Variants in CMTM4 observed in about 807,000 individuals in gnomAD.
CMTM4 encodes the protein CKLF-like MARVEL transmembrane domain-containing protein 4.
CMTM4 carries 8 observed loss-of-function variants against 19.0 expected under a neutral mutation model. The ratio of observed to expected loss-of-function variants is 0.42; its 90% CI spans 0.25 to 0.76. CMTM4 has a LOEUF of 0.76. CMTM4 is among the 30% of genes least tolerant of loss of function. The pLI is 0.27. For synonymous variants in CMTM4, 106 were observed against 121.1 expected (o/e 0.88, Z 0.82); for missense variants, 228 against 290.2 (o/e 0.79, Z 1.56).
chr16:66,624,674 C>T (rs769216583), intron 2 of CMTM4, among the ~76,000 whole-genome samples: 2 of 152,236 alleles, frequency 1.3e-5, no homozygotes, highest in South Asian at 2.1e-4. Context: ...AGCTGAAGTA[C>T]GAGAATCACT....
downstream of CMTM4, among the ~76,000 whole-genome samples, chr16:66,614,596 T>TGGCAAAGC (rs1418134723): frequency 1.3e-5 from 2 of 152,154 alleles, no homozygotes; most frequent in Admixed American, 1.3e-4. This position sits in a 1 kb window ranked among gnomAD's most constrained non-coding sequence, Gnocchi z 4.9. Context: ...TTGTAAGCCC[T>TGGCAAAGC]GGCAAAGCGG....
chr16:66,605,048 C>T, the CMTM4 span: 1 of 1,165,534 alleles, frequency 8.6e-7, no homozygotes, highest in Non-Finnish European at 1.1e-6. This position sits in a 1 kb window ranked among gnomAD's most constrained non-coding sequence, Gnocchi z 4.6. Context: ...GGGCGGCCGC[C>T]GTGCTCCGAT....
At chr16:66,673,641 A>G (rs2016753325) in intron 1 of CMTM4, among the ~76,000 whole-genome samples, 2 of 152,198 alleles carry the variant, frequency 1.3e-5, no homozygotes, top group South Asian at 4.1e-4. Context: ...GGCATTCCTT[A>G]AAGCAAGAGA....
Position 66,622,300 on chromosome 16 carries a change from T to C in CMTM4, c.463-78A>G. 1 of 1,495,476 alleles carries C rather than the reference T, an allele frequency of 6.7e-7. No individual in the cohort carries two copies. The highest frequency in any genetic ancestry group is 9.1e-7 in the Non-Finnish European group (1 of 1,097,224). The allele number at this position is 1,495,476 out of a possible 1,614,324, so 92.6% of individuals were successfully genotyped here. A position where few individuals can be genotyped will look rare whatever the true frequency, so the allele number is the denominator to read the frequency against. On this transcript the variant is annotated intron_variant, in intron 3 of 3. Coordinates refer to ENST00000394106, the MANE Select transcript of CMTM4 (RefSeq NM_181521.3). The surrounding 1 kb of genome is among the most constrained non-coding windows in gnomAD (Gnocchi z 4.0). Reference sequence around the variant, plus strand: ...GGCTTCTGTGGTGACCCAAGCCACATGCAGCCCCTTCCTGCTCTGCCAGCT... The same window carrying C: ...GGCTTCTGTGGTGACCCAAGCCACACGCAGCCCCTTCCTGCTCTGCCAGCT...
chr16:66,676,818 G>T (rs2016818131), intron 1 of CMTM4, among the ~76,000 whole-genome samples: 1 of 152,228 alleles, frequency 6.6e-6, no homozygotes, highest in African/African-American at 2.4e-5. Context: ...CTGCCATGCA[G>T]ATGTTTATAA....
intron 1 of CMTM4, among the ~76,000 whole-genome samples, chr16:66,662,836 C>T (rs1265799668): frequency 1.3e-5 from 2 of 152,144 alleles, no homozygotes; most frequent in Non-Finnish European, 2.9e-5. Flanking sequence ...CCATAAAGTT[C>T]TATAAACTCC....
chr16:66,655,477 C>CAGGG (rs1342391069), intron 1 of CMTM4, among the ~76,000 whole-genome samples: 1 of 151,588 alleles, frequency 6.6e-6, no homozygotes, highest in East Asian at 1.9e-4. Context: ...ACTAAAGGAA[C>CAGGG]AGGGATTTCT....
Position 66,647,485 on chromosome 16 carries a change from T to C in CMTM4, c.187-10904A>G, listed in dbSNP as rs1358723740. Among the ~76,000 whole-genome samples the C allele has an allele frequency of 2.6e-5, 4 of 152,276 alleles. No homozygotes were observed. In the East Asian group the frequency reaches 7.7e-4, roughly 29 times the overall value. ...TTTTTCCATCTAAAAAAGCAATCTA[T>C]GACATCACCTAGAAATACGTGAGCA... On this transcript the variant is annotated intron_variant, in intron 1 of 3. Transcript: ENST00000394106.
Position 66,618,325 on chromosome 16 carries a change from G to A in CMTM4, c.*3733C>T, listed in dbSNP as rs1286783591. On this transcript the variant is annotated 3_prime_UTR_variant, in exon 4 of 4. Transcript: ENST00000394106. ...TGGAGAAGATGACAGTCAGGCAGTG[G>A]CACAAAGACTTCATGACTGTTTTGT... 4.1e-6 allele frequency: 4 copies of A among 985,360 alleles called. No individual in the cohort carries two copies. The East Asian group carries it at 3.4e-4, about 84-fold the overall frequency. 61.0% of individuals were successfully genotyped at this position (985,360 alleles called of 1,614,324 possible). A position where few individuals can be genotyped will look rare whatever the true frequency, so the allele number is the denominator to read the frequency against.
chr16:66,646,396 A>G (rs1312760520), intron 1 of CMTM4, among the ~76,000 whole-genome samples: 2 of 152,180 alleles, frequency 1.3e-5, no homozygotes, highest in Admixed American at 6.5e-5. Context: ...TATAATATAT[A>G]CACATATATG....
chr16:66,606,946 A>G, the CMTM4 span, among the ~76,000 whole-genome samples: 1 of 152,230 alleles, frequency 6.6e-6, no homozygotes, highest in African/African-American at 2.4e-5. Context: ...GTGAACTGAG[A>G]TCGTGCCACT....
the CMTM4 span, chr16:66,605,537 C>T: frequency 6.6e-6 from 1 of 152,424 alleles, no homozygotes; most frequent in Non-Finnish European, 1.5e-5. The surrounding 1 kb of genome is among the most constrained non-coding windows in gnomAD (Gnocchi z 4.6). Context: ...GTCCTCTGGA[C>T]ACCGGAGGCG....
intron 1 of CMTM4, among the ~76,000 whole-genome samples, chr16:66,691,626 A>T (rs1478672715): frequency 6.6e-6 from 1 of 152,218 alleles, no homozygotes; most frequent in East Asian, 1.9e-4. Flanking sequence ...ACCTGAGCCC[A>T]GGAGGTCGAG....
intron 1 of CMTM4, among the ~76,000 whole-genome samples, chr16:66,688,446 T>A (rs2017075450): frequency 6.6e-6 from 1 of 151,994 alleles, no homozygotes; most frequent in South Asian, 2.1e-4. Context: ...GCTTGTGGCC[T>A]GAGTGAACAA....
At chr16:66,630,923 T>A (rs1342925998) in intron 2 of CMTM4, among the ~76,000 whole-genome samples, 1 of 146,098 alleles carries the variant, frequency 6.8e-6, no homozygotes, top group Non-Finnish European at 1.5e-5. Flanking sequence ...CCGTCTGGGA[T>A]GTGAGGAGCG....
At chr16:66,693,224 C>G (rs1264309103) in intron 1 of CMTM4, among the ~76,000 whole-genome samples, 8 of 150,198 alleles carry the variant, frequency 5.3e-5, no homozygotes, top group Non-Finnish European at 1.0e-4. Context: ...AAGTCTAACA[C>G]AAAGAAAAAA....
the CMTM4 span, among the ~76,000 whole-genome samples, chr16:66,606,504 G>A: frequency 4.0e-5 from 6 of 151,166 alleles, no homozygotes; most frequent in Admixed American, 3.3e-4. Flanking sequence ...GGGGTGCTCT[G>A]GGGACCCCCT....
At chr16:66,654,292 G>A (rs1419286378) in intron 1 of CMTM4, among the ~76,000 whole-genome samples, 1 of 152,154 alleles carries the variant, frequency 6.6e-6, no homozygotes, top group African/African-American at 2.4e-5. Flanking sequence ...CTGGACCCCA[G>A]AACCCTCTAC....
intron 1 of CMTM4, among the ~76,000 whole-genome samples, chr16:66,662,901 C>A (rs374609035): frequency 5.9e-5 from 9 of 152,244 alleles, no homozygotes; most frequent in African/African-American, 1.7e-4. Flanking sequence ...TGAGCTCACC[C>A]AAAGTTGTAT....
Sources: gnomAD v4.1 joint callset for allele counts (sites outside exome capture counted in the v4.1 genomes callset) on GRCh38, gnomAD v4.1.1 for gene constraint, Gnocchi (gnomAD v3.1) non-coding constraint, MANE v1.5 for transcripts, NCBI Gene and HGNC (gene_info 2026-07-23, HGNC 2026-07-21) for gene names.